The following DLG1 variants were observed in gnomAD, a reference collection of about 807,000 sequenced individuals.
The protein encoded by DLG1 is discs large MAGUK scaffold protein 1.
DLG1 carries 42 observed loss-of-function variants against 123.4 expected under a neutral mutation model. The observed-to-expected ratio is 0.34, with a 90% CI of 0.27 to 0.44. The LOEUF (loss-of-function observed/expected upper bound fraction) is 0.44. DLG1 is among the 20% of genes least tolerant of loss of function. The pLI is 1.00. For missense variants in DLG1, 942 were observed against 1,082.6 expected (o/e 0.87, Z 1.82); for synonymous variants, 317 against 356.2 (o/e 0.89, Z 1.24).
At chr3:197,249,472 A>G (rs1215821363) in intron 4 of DLG1, among the ~76,000 whole-genome samples, 1 of 119,688 alleles carries the variant, frequency 8.4e-6, no homozygotes, top group Non-Finnish European at 2.0e-5. Context: ...CCACCAAAGA[A>G]AAGCCCAGGA....
At chr3:197,185,399 G>A (rs1174762983) in intron 5 of DLG1, among the ~76,000 whole-genome samples, 1 of 152,148 alleles carries the variant, frequency 6.6e-6, no homozygotes, top group Non-Finnish European at 1.5e-5. Context: ...GAGCCATGTG[G>A]GACTCTTGAG....
intron 6 of DLG1, among the ~76,000 whole-genome samples, chr3:197,149,105 G>GT (rs1300326076): frequency 6.6e-6 from 1 of 152,092 alleles, no homozygotes; most frequent in African/African-American, 2.4e-5. Context: ...CAATTCAGTA[G>GT]TTTCTAGTTT....
At chr3:197,227,411 G>C (rs1020074270) in intron 4 of DLG1, among the ~76,000 whole-genome samples, 4 of 151,934 alleles carry the variant, frequency 2.6e-5, no homozygotes, top group African/African-American at 9.7e-5. Context: ...GGAGATGGAA[G>C]TTGCAGTGAA....
intron 18 of DLG1, 172 bp from the exon 19 acceptor site, chr3:197,069,432 A>G: frequency 2.3e-6 from 1 of 438,842 alleles, no homozygotes; most frequent in East Asian, 3.6e-5. Context: ...ATATTAGCAA[A>G]GGAAAACTCC....
At chr3:197,126,162 C>T (rs529872168) in intron 11 of DLG1, among the ~76,000 whole-genome samples, 13 of 151,806 alleles carry the variant, frequency 8.6e-5, no homozygotes, top group Non-Finnish European at 1.8e-4. Flanking sequence ...TTTATTAGTT[C>T]AATAACAGAT....
chr3:197,062,060 T>C (rs912058126), intron 22 of DLG1, among the ~76,000 whole-genome samples: 2 of 152,218 alleles, frequency 1.3e-5, no homozygotes, highest in African/African-American at 4.8e-5. Context: ...GTCCAAAGCG[T>C]TCCCTTCTAT....
intron 13 of DLG1, among the ~76,000 whole-genome samples, chr3:197,109,232 G>A (rs780197553): frequency 7.9e-5 from 12 of 152,162 alleles, no homozygotes; most frequent in Non-Finnish European, 1.2e-4. Flanking sequence ...TCAGCCAGGT[G>A]TAGTGGTGCA....
chr3:197,161,547 C>CA (rs980695132), intron 5 of DLG1: 8 of 758,592 alleles, frequency 1.1e-5, no homozygotes, highest in African/African-American at 1.9e-5. Context: ...TACCAAATTA[C>CA]AAAAAACAGC....
At chr3:197,162,792 G>A (rs754467970) in intron 5 of DLG1, among the ~76,000 whole-genome samples, 98 of 152,164 alleles carry the variant, frequency 6.4e-4, no homozygotes, top group Non-Finnish European at 1.2e-3. Context: ...TAATCTTTGT[G>A]ACCGTGGATT....
intron 4 of DLG1, among the ~76,000 whole-genome samples, chr3:197,249,505 C>G (rs972561055): frequency 3.3e-5 from 5 of 151,944 alleles, no homozygotes; most frequent in South Asian, 2.1e-4. Flanking sequence ...CTAATAAATT[C>G]TACCAGTTCT....
intron 5 of DLG1, among the ~76,000 whole-genome samples, chr3:197,172,591 C>T (rs1804787228): frequency 6.6e-6 from 1 of 152,090 alleles, no homozygotes; most frequent in Non-Finnish European, 1.5e-5. Context: ...TCAACTTAAT[C>T]AGCACTCTAA....
At chr3:197,242,678 G>C (rs1396738803) in intron 4 of DLG1, among the ~76,000 whole-genome samples, 2 of 151,994 alleles carry the variant, frequency 1.3e-5, no homozygotes, top group Non-Finnish European at 2.9e-5. Flanking sequence ...ACATGCTCCT[G>C]AACAATGAAG....
chr3:197,087,249 G>GT (rs1181891673), intron 15 of DLG1, among the ~76,000 whole-genome samples: 2 of 151,442 alleles, frequency 1.3e-5, no homozygotes, highest in Non-Finnish European at 2.9e-5. Flanking sequence ...CATATAATAT[G>GT]TGAGTGACTA....
chr3:197,213,124 A>G (rs769233014), intron 4 of DLG1, among the ~76,000 whole-genome samples: 25 of 152,212 alleles, frequency 1.6e-4, no homozygotes, highest in African/African-American at 4.3e-4. Flanking sequence ...GAAGATCCCT[A>G]ACACCTTCAT....
chr3:197,178,778 T>C (rs755380391), intron 5 of DLG1, among the ~76,000 whole-genome samples: 1 of 152,226 alleles, frequency 6.6e-6, no homozygotes, highest in South Asian at 2.1e-4. Context: ...TTAACAGTTG[T>C]TGTAGGGTCA....
intron 14 of DLG1, among the ~76,000 whole-genome samples, chr3:197,098,963 C>G (rs1560649921): frequency 6.6e-6 from 1 of 152,236 alleles, no homozygotes; most frequent in African/African-American, 2.4e-5. Flanking sequence ...CCTACCTTTT[C>G]CTTTTGTTTC....
chr3:197,051,833 A>AT (rs35979905), intron 23 of DLG1, among the ~76,000 whole-genome samples, 165 bp from the exon 24 acceptor site: 4,091 of 90,302 alleles, frequency 0.045, 451 homozygotes, highest in African/African-American at 0.089. Flanking sequence ...ATTTCTGGGA[A>AT]TTTTTTTTTT....
chr3:197,050,165 A>G (rs1367061028), intron 24 of DLG1, among the ~76,000 whole-genome samples: 1 of 152,154 alleles, frequency 6.6e-6, no homozygotes, highest in African/African-American at 2.4e-5. Flanking sequence ...CAGGAGATCA[A>G]GACCGTCCTG....
At chr3:197,173,233 G>T (rs1045130525) in intron 5 of DLG1, among the ~76,000 whole-genome samples, 6 of 152,160 alleles carry the variant, frequency 3.9e-5, no homozygotes, top group Non-Finnish European at 5.9e-5. Context: ...TTAAAGGTCA[G>T]AATATTTTGT....
Sources: allele counts gnomAD v4.1 joint callset (sites outside exome capture counted in the v4.1 genomes callset), GRCh38; gene constraint gnomAD v4.1.1; transcripts MANE v1.5; gene names NCBI Gene and HGNC (gene_info 2026-07-23, HGNC 2026-07-21).